The following LRP1B variants were observed in gnomAD, a reference collection of about 807,000 sequenced individuals.
LRP1B encodes the protein low-density lipoprotein receptor-related protein 1B.
Under a neutral mutation model 556.6 loss-of-function variants are expected in LRP1B, and 217 were observed. That is an observed-to-expected ratio of 0.39 (90% CI 0.35 to 0.44). LRP1B has a LOEUF of 0.44. Among genes scored for constraint, LRP1B ranks in the 20% least tolerant of loss-of-function variants. The pLI is 1.00. For missense variants in LRP1B, 5,053 were observed against 5,620.8 expected (o/e 0.90, Z 3.23); for synonymous variants, 2,047 against 1,865.8 (o/e 1.10, Z -2.50).
intron 1 of LRP1B, among the ~76,000 whole-genome samples, chr2:142,115,474 A>C (rs1385121076): frequency 1.6e-5 from 1 of 63,758 alleles, no homozygotes; most frequent in East Asian, 5.6e-4. Flanking sequence ...TATATATTAC[A>C]TACATATAAT....
chr2:142,008,157 A>T (rs2105149337), intron 1 of LRP1B, among the ~76,000 whole-genome samples: 1 of 152,298 alleles, frequency 6.6e-6, no homozygotes, highest in African/African-American at 2.4e-5. Context: ...AGGCTACCCA[A>T]GTGGGCACAT....
At chr2:141,972,303 C>T (rs955473267) in intron 1 of LRP1B, among the ~76,000 whole-genome samples, 4 of 151,442 alleles carry the variant, frequency 2.6e-5, no homozygotes, top group African/African-American at 7.3e-5. Context: ...AAATATTTAA[C>T]TAACTTCTCA....
chr2:141,819,486 A>G (rs1696683786), intron 1 of LRP1B, among the ~76,000 whole-genome samples: 1 of 152,206 alleles, frequency 6.6e-6, no homozygotes, highest in East Asian at 1.9e-4. Flanking sequence ...TAAGCCAGGA[A>G]AAGAAAGTTA....
chr2:141,517,441 C>A (rs1166687447), intron 2 of LRP1B, among the ~76,000 whole-genome samples: 1 of 152,078 alleles, frequency 6.6e-6, no homozygotes, highest in East Asian at 1.9e-4. Flanking sequence ...GGTGTATTCT[C>A]ACAGAGCGGG....
chr2:140,572,594 T>C (rs1034477854), intron 43 of LRP1B, among the ~76,000 whole-genome samples: 30 of 150,940 alleles, frequency 2.0e-4, no homozygotes, highest in African/African-American at 6.5e-4. Context: ...AAAAATAGAG[T>C]TACTATATGA....
chr2:140,253,914 G>GA (rs1210775454), intron 86 of LRP1B, among the ~76,000 whole-genome samples: 1 of 152,078 alleles, frequency 6.6e-6, no homozygotes, highest in African/African-American at 2.4e-5. Context: ...AATACTAGTG[G>GA]AAAGCTCCCA....
chr2:141,273,560 C>T (rs1303717957), intron 3 of LRP1B, among the ~76,000 whole-genome samples: 2 of 152,082 alleles, frequency 1.3e-5, no homozygotes, highest in African/African-American at 4.8e-5. Context: ...ACTTCCTATG[C>T]CACATACAAA....
chr2:142,117,376 C>T (rs12691633), intron 1 of LRP1B, among the ~76,000 whole-genome samples: 19,023 of 152,134 alleles, frequency 0.13, 1,406 homozygotes, highest in African/African-American at 0.19. Context: ...TCCGAACCCA[C>T]ATCCTGCCAT....
chr2:140,319,164 G>A (rs2105046073), intron 82 of LRP1B, among the ~76,000 whole-genome samples: 1 of 152,154 alleles, frequency 6.6e-6, no homozygotes, highest in East Asian at 1.9e-4. Flanking sequence ...AAAGGAGGAG[G>A]ATTATGTAGA....
At chr2:141,517,610 A>C (rs1684372203) in intron 2 of LRP1B, among the ~76,000 whole-genome samples, 3 of 152,212 alleles carry the variant, frequency 2.0e-5, no homozygotes, top group Admixed American at 6.5e-5. Context: ...AACATTAGGC[A>C]AAATGCAAAA....
In LRP1B at chr2:140,883,261, C is replaced by A. The variant is rs187355638; in HGVS notation, c.4169+556G>T. ...GTAACCTGAGTTACTCAACATTGAA[C>A]CTTGTTTTCCAGAATCATATGCTTT... On this transcript the variant is annotated intron_variant, in intron 25 of 90. Transcript: ENST00000389484. 1.2e-4 allele frequency among the ~76,000 whole-genome samples: 19 copies of A among 152,244 alleles called. No homozygotes were observed. In the East Asian group the frequency reaches 3.3e-3, roughly 26 times the overall value.
chr2:141,607,802 C>A (rs1384663), intron 2 of LRP1B, among the ~76,000 whole-genome samples: 147,450 of 152,226 alleles, frequency 0.97, 71,591 homozygotes, highest in East Asian at 1. Flanking sequence ...GCACATCTGT[C>A]GTCCCAGCTA....
intron 66 of LRP1B, among the ~76,000 whole-genome samples, chr2:140,424,771 T>G (rs1010719608): frequency 6.6e-6 from 1 of 152,182 alleles, no homozygotes; most frequent in African/African-American, 2.4e-5. Flanking sequence ...TAGATAACCT[T>G]GAAGGGCTCA....
At chr2:141,576,867 AG>A (rs1369807899) in intron 2 of LRP1B, among the ~76,000 whole-genome samples, 17 of 146,628 alleles carry the variant, frequency 1.2e-4, no homozygotes, top group Non-Finnish European at 1.9e-4. Context: ...TGTTTTGCCC[AG>A]GTTGTTTTCG....
intron 7 of LRP1B, among the ~76,000 whole-genome samples, chr2:141,152,222 C>T (rs1329558915): frequency 1.3e-5 from 2 of 151,834 alleles, no homozygotes; most frequent in Non-Finnish European, 2.9e-5. Context: ...CAAGTTTCCT[C>T]GTCTTTAGAG....
At chr2:140,635,766 G>A (rs1035067594) in intron 41 of LRP1B, among the ~76,000 whole-genome samples, 1 of 151,936 alleles carries the variant, frequency 6.6e-6, no homozygotes, top group East Asian at 1.9e-4. Context: ...AGAAAGATGA[G>A]GTGTACATTT....
chr2:140,500,630 A>C (rs1192008399), intron 55 of LRP1B, among the ~76,000 whole-genome samples: 1 of 151,994 alleles, frequency 6.6e-6, no homozygotes, highest in African/African-American at 2.4e-5. Context: ...AACTCAGATT[A>C]AGTATGTTCC....
At position 140,232,120 on chromosome 2, in the gene LRP1B, A is replaced by G. The variant is rs1312259035; in HGVS notation, c.*1066T>C. ...TGGAAGGCCCTTGAATATATTTTGG[A>G]TAGGGCAAATAATGGGTTGCTCATA... On this transcript the variant is annotated 3_prime_UTR_variant, in exon 91 of 91. Coordinates refer to ENST00000389484, the MANE Select transcript of LRP1B (RefSeq NM_018557.3). 1 of 151,296 alleles carries G rather than the reference A, an allele frequency of 6.6e-6. No homozygotes were observed. The allele number at this position is 151,296 out of a possible 1,614,324, so 9.4% of individuals were successfully genotyped here.
At chr2:141,174,903 C>T (rs1714259) in intron 7 of LRP1B, among the ~76,000 whole-genome samples, 69,815 of 151,806 alleles carry the variant, frequency 0.46, 17,503 homozygotes, top group East Asian at 0.71. Flanking sequence ...GACAATGAAC[C>T]CCAGGCAGAG....
Sources: allele counts gnomAD v4.1 joint callset (sites outside exome capture counted in the v4.1 genomes callset), GRCh38; gene constraint gnomAD v4.1.1; transcripts MANE v1.5; gene names NCBI Gene and HGNC (gene_info 2026-07-23, HGNC 2026-07-21).